The following RBBP8 variants were observed in gnomAD, a reference collection of about 807,000 sequenced individuals.
RBBP8 encodes the protein RB binding protein 8, endonuclease, also known as DNA endonuclease RBBP8.
A neutral mutation model predicts 108.3 loss-of-function variants in RBBP8; 88 were observed. That is an observed-to-expected ratio of 0.81 (90% CI 0.68 to 0.97). The LOEUF is 0.97. Ranked by LOEUF, RBBP8 falls within the 50% of genes least tolerant of loss-of-function variation. The probability of loss-of-function intolerance (pLI) is 0.00; values close to 1 mark genes in which losing one functional copy is unlikely to be tolerated. For synonymous variants in RBBP8, 332 were observed against 348.2 expected (o/e 0.95, Z 0.52); for missense variants, 1,023 against 1,049.0 (o/e 0.98, Z 0.34).
intron 5 of RBBP8, among the ~76,000 whole-genome samples, chr18:22,971,194 C>T (rs1914052617): frequency 6.6e-6 from 1 of 151,356 alleles, no homozygotes. Flanking sequence ...ATAACTTTTG[C>T]TTCAGTCTCA....
intron 6 of RBBP8, among the ~76,000 whole-genome samples, chr18:22,980,956 C>A (rs1184073147): frequency 1.9e-5 from 2 of 103,432 alleles, no homozygotes; most frequent in Non-Finnish European, 3.8e-5. Context: ...AGGTGTGAGC[C>A]ACTTATGTCT....
intron 1 of RBBP8, chr18:22,934,775 G>A (rs1910387958): frequency 6.6e-6 from 1 of 151,624 alleles, no homozygotes; most frequent in African/African-American, 2.4e-5. Flanking sequence ...CTACAGAGAG[G>A]TATTTTACAG....
At chr18:23,015,232 A>G (rs555688798) in intron 16 of RBBP8, among the ~76,000 whole-genome samples, 1 of 152,308 alleles carries the variant, frequency 6.6e-6, no homozygotes, top group Non-Finnish European at 1.5e-5. Flanking sequence ...GGCAAATGGC[A>G]TACAAACAGA....
chr18:22,931,730 G>C (rs369547330), upstream of RBBP8, among the ~76,000 whole-genome samples: 208 of 152,266 alleles, frequency 1.4e-3, 7 homozygotes, highest in South Asian at 0.042. Flanking sequence ...AGCTTAAGCA[G>C]TCAGTCCAAA....
chr18:22,957,786 T>A (rs911332221), intron 4 of RBBP8, among the ~76,000 whole-genome samples: 6 of 152,160 alleles, frequency 3.9e-5, no homozygotes, highest in Admixed American at 3.3e-4. Context: ...AATTGACCCT[T>A]TTTCACAGAT....
At chr18:22,964,273 C>A (rs1011515505) in intron 4 of RBBP8, among the ~76,000 whole-genome samples, 3 of 151,714 alleles carry the variant, frequency 2.0e-5, no homozygotes, top group Non-Finnish European at 4.4e-5. Context: ...AAAATTTCTT[C>A]TGAACGCTTA....
At chr18:22,940,192 T>G (rs1295646119) in intron 2 of RBBP8, among the ~76,000 whole-genome samples, 2 of 152,024 alleles carry the variant, frequency 1.3e-5, no homozygotes, top group Non-Finnish European at 2.9e-5. Flanking sequence ...GTTGGGATTT[T>G]GGGATTTGGG....
intron 1 of RBBP8, among the ~76,000 whole-genome samples, chr18:22,935,543 C>A (rs182472145): frequency 6.6e-6 from 1 of 152,104 alleles, no homozygotes; most frequent in Admixed American, 6.5e-5. Context: ...TAGCTCTTGA[C>A]GGTTCACCAA....
At chr18:23,022,447 A>G (rs929458658) in intron 18 of RBBP8, among the ~76,000 whole-genome samples, 177 bp downstream of exon 18, 1 of 151,494 alleles carries the variant, frequency 6.6e-6, no homozygotes, top group African/African-American at 2.4e-5. Context: ...CTAAAAATAC[A>G]AAAAATTAGC....
chr18:22,952,351 C>G (rs1284034862), intron 4 of RBBP8, among the ~76,000 whole-genome samples: 2 of 152,072 alleles, frequency 1.3e-5, no homozygotes, highest in Admixed American at 6.6e-5. Flanking sequence ...GGTCTTAGGG[C>G]TGAATCCTTT....
At chr18:22,929,195 T>C (rs981645872), upstream of RBBP8, among the ~76,000 whole-genome samples, 7 of 152,126 alleles carry the variant, frequency 4.6e-5, no homozygotes, top group African/African-American at 1.7e-4. Context: ...CAGAATATAG[T>C]GCCTGACTCG....
intron 6 of RBBP8, among the ~76,000 whole-genome samples, chr18:22,979,655 C>T (rs1914758650): frequency 6.6e-6 from 1 of 152,198 alleles, no homozygotes; most frequent in Admixed American, 6.5e-5. Context: ...CAAATAAGGT[C>T]AGTAATGGTT....
intron 4 of RBBP8, among the ~76,000 whole-genome samples, chr18:22,962,199 G>C (rs576829305): frequency 1.3e-5 from 2 of 152,080 alleles, no homozygotes; most frequent in Non-Finnish European, 1.5e-5. Context: ...CAGATATTTA[G>C]ACAGCTGTCA....
intron 4 of RBBP8, among the ~76,000 whole-genome samples, chr18:22,957,439 G>T (rs1912678802): frequency 6.6e-6 from 1 of 151,848 alleles, no homozygotes; most frequent in African/African-American, 2.4e-5. Flanking sequence ...ATGAATAAAT[G>T]TCAATAAATC....
chr18:22,999,291 G>C (rs2045908625), intron 14 of RBBP8, among the ~76,000 whole-genome samples: 1 of 152,184 alleles, frequency 6.6e-6, no homozygotes, highest in African/African-American at 2.4e-5. Context: ...TGGCTGGTCA[G>C]TTCTGTTTCA....
intron 2 of RBBP8, among the ~76,000 whole-genome samples, chr18:22,939,989 C>A (rs1289509680): frequency 6.6e-6 from 1 of 150,848 alleles, no homozygotes; most frequent in African/African-American, 2.5e-5. Context: ...TGATTTTATT[C>A]AAGGAACTCT....
At chr18:22,993,679 G>A in intron 11 of RBBP8, 40 bp downstream of exon 11, 3 of 1,614,168 alleles carry the variant, frequency 1.9e-6, no homozygotes, top group Admixed American at 3.3e-5. Context: ...TAAAATGATT[G>A]CTTGTGATTT....
At chr18:23,012,202 T>C (rs1293902466) in intron 16 of RBBP8, among the ~76,000 whole-genome samples, 3 of 45,144 alleles carry the variant, frequency 6.6e-5, no homozygotes, top group Non-Finnish European at 1.1e-4. Flanking sequence ...AGTGAGATGC[T>C]GTCTCCAAAA....
At chr18:22,990,890 T>A in intron 9 of RBBP8, 47 bp from the exon 10 acceptor site, 1 of 1,418,200 alleles carries the variant, frequency 7.1e-7, no homozygotes, top group Non-Finnish European at 9.9e-7. Flanking sequence ...TTTTTAAGAA[T>A]GAACAAATCC....
Sources: allele counts gnomAD v4.1 joint callset (sites outside exome capture counted in the v4.1 genomes callset), GRCh38; gene constraint gnomAD v4.1.1; transcripts MANE v1.5; gene names NCBI Gene and HGNC (gene_info 2026-07-23, HGNC 2026-07-21).